GRIN2A: variants seen among roughly 807,000 people sequenced by gnomAD.
GRIN2A encodes the protein glutamate ionotropic receptor NMDA type subunit 2A.
A neutral mutation model predicts 113.4 loss-of-function variants in GRIN2A; 22 were observed. The observed-to-expected ratio is 0.19, with a 90% CI of 0.14 to 0.28. GRIN2A has a LOEUF of 0.28. Ranked by LOEUF, GRIN2A falls within the 10% of genes least tolerant of loss-of-function variation. The pLI is 1.00. For missense variants in GRIN2A, 1,502 were observed against 1,887.0 expected, an observed-to-expected ratio of 0.80 and a Z score of 3.78; for synonymous variants, 827 against 738.4, an observed-to-expected ratio of 1.12 and a Z score of -1.94.
At chr16:9,916,800 A>G (rs1268645215) in intron 3 of GRIN2A, among the ~76,000 whole-genome samples, 3 of 152,306 alleles carry the variant, frequency 2.0e-5, no homozygotes, top group Non-Finnish European at 4.4e-5. Context: ...TACAAGGCAG[A>G]GATGGAGTTG....
intron 2 of GRIN2A, among the ~76,000 whole-genome samples, chr16:10,089,066 C>T (rs981574571): frequency 6.6e-6 from 1 of 152,096 alleles, no homozygotes; most frequent in African/African-American, 2.4e-5. Context: ...ACCCAAGAGG[C>T]CACTGTAGTT....
intron 2 of GRIN2A, among the ~76,000 whole-genome samples, chr16:10,032,718 AC>A (rs2046952017): frequency 1.3e-5 from 2 of 152,104 alleles, no homozygotes; most frequent in Non-Finnish European, 2.9e-5. Flanking sequence ...GCCGGTCTCC[AC>A]TCTGAGCCAT....
At chr16:9,899,590 C>G (rs998777259) in intron 3 of GRIN2A, among the ~76,000 whole-genome samples, 4 of 151,506 alleles carry the variant, frequency 2.6e-5, no homozygotes, top group Admixed American at 6.6e-5. Flanking sequence ...TTTATTCTTT[C>G]AACACAAATT....
At chr16:10,112,890 C>T (rs2142153041) in intron 2 of GRIN2A, 2 of 476,738 alleles carry the variant, frequency 4.2e-6, no homozygotes, top group South Asian at 1.8e-5. Context: ...CTGAGGATAG[C>T]AGTGGAGGAT....
intron 10 of GRIN2A, among the ~76,000 whole-genome samples, chr16:9,799,653 G>A (rs887187124): frequency 6.6e-6 from 1 of 152,132 alleles, no homozygotes; most frequent in Non-Finnish European, 1.5e-5. Context: ...GCCAACCCTT[G>A]TTTTAATCCC....
At chr16:10,066,625 G>C (rs1469726733) in intron 2 of GRIN2A, among the ~76,000 whole-genome samples, 3 of 152,136 alleles carry the variant, frequency 2.0e-5, no homozygotes, top group Non-Finnish European at 4.4e-5. Flanking sequence ...TTTCCACCCA[G>C]GATCTATCAC....
intron 4 of GRIN2A, among the ~76,000 whole-genome samples, chr16:9,863,522 G>A (rs2043108156): frequency 6.6e-6 from 1 of 152,184 alleles, no homozygotes; most frequent in African/African-American, 2.4e-5. Flanking sequence ...TACTTTGCAG[G>A]CTTGATGTTG....
rs117242970 is a variant in GRIN2A, at chr16:10,124,359, C to A, written c.414+55639G>T. Among the ~76,000 whole-genome samples the A allele has an allele frequency of 4.0e-3, 611 of 152,250 alleles. 3 individuals carry two copies. The highest frequency in any genetic ancestry group is 6.0e-3 in the Non-Finnish European group (409 of 68,012). ...AGGGATCATGTATGCAAAGTGCCTG[C>A]CCTGTATGCAGTAGATGCTCAATAA... On this transcript the variant is annotated intron_variant, in intron 2 of 12. Coordinates refer to ENST00000330684, the MANE Select transcript of GRIN2A (RefSeq NM_001134407.3).
intron 2 of GRIN2A, among the ~76,000 whole-genome samples, chr16:10,067,576 G>A (rs1415721575): frequency 6.6e-6 from 1 of 152,164 alleles, no homozygotes; most frequent in African/African-American, 2.4e-5. Context: ...CATGCCCGGA[G>A]GGACACCCAG....
intron 10 of GRIN2A, among the ~76,000 whole-genome samples, chr16:9,815,690 G>T (rs1441653510): frequency 1.3e-5 from 2 of 152,088 alleles, no homozygotes; most frequent in Non-Finnish European, 2.9e-5. Flanking sequence ...AATGCAAATG[G>T]GACTGTGGAA....
At chr16:9,953,256 G>GA (rs2045225896) in intron 2 of GRIN2A, among the ~76,000 whole-genome samples, 2 of 152,196 alleles carry the variant, frequency 1.3e-5, no homozygotes, top group Admixed American at 1.3e-4. Context: ...ATTGGGGAGT[G>GA]AAAGAGGATT....
At chr16:10,032,141 T>C (rs1311140226) in intron 2 of GRIN2A, among the ~76,000 whole-genome samples, 2 of 152,250 alleles carry the variant, frequency 1.3e-5, no homozygotes, top group Admixed American at 1.3e-4. Context: ...CACCTGGTTT[T>C]GGACCCCATT....
In GRIN2A at chr16:9,936,238, A is replaced by G. The variant is rs536752409; in HGVS notation, c.1007+1721T>C. 4.6e-5 allele frequency among the ~76,000 whole-genome samples: 7 copies of G among 152,324 alleles called. No individual in the cohort carries two copies. In the East Asian group the frequency reaches 7.7e-4, roughly 17 times the overall value. The stretch of plus-strand genomic sequence containing the variant: ...GGGCTCACCCCATATTTTCTATTAC[A>G]TTAGAAACTCTGAGATTGAGGCCCA... On this transcript the variant is annotated intron_variant, in intron 3 of 12. Transcript: ENST00000330684.
intron 9 of GRIN2A, among the ~76,000 whole-genome samples, chr16:9,828,805 T>C (rs2042433727): frequency 6.6e-6 from 1 of 152,096 alleles, no homozygotes; most frequent in Non-Finnish European, 1.5e-5. Context: ...ATTAGTGATA[T>C]ATCTGAGTAG....
chr16:9,873,826 A>G (rs1173999339), intron 4 of GRIN2A, among the ~76,000 whole-genome samples: 1 of 152,218 alleles, frequency 6.6e-6, no homozygotes, highest in Non-Finnish European at 1.5e-5. Context: ...TAGTTTCTTC[A>G]AACACACTTT....
chr16:10,072,582 C>T (rs987394453), intron 2 of GRIN2A, among the ~76,000 whole-genome samples: 2 of 152,080 alleles, frequency 1.3e-5, no homozygotes, highest in African/African-American at 4.8e-5. Flanking sequence ...GTTTGAGAAC[C>T]ACTGGACTTA....
At chr16:9,793,079 G>A (rs375914537) in intron 11 of GRIN2A, among the ~76,000 whole-genome samples, 4 of 152,160 alleles carry the variant, frequency 2.6e-5, no homozygotes, top group Non-Finnish European at 5.9e-5. Context: ...AAAGCTGAAT[G>A]AGCTCTGCTG....
intron 2 of GRIN2A, chr16:10,112,376 C>T (rs1453518215): frequency 1.5e-6 from 1 of 678,648 alleles, no homozygotes; most frequent in African/African-American, 1.8e-5. Context: ...TCTGCATCAC[C>T]CAGGAAGTGA....
At chr16:10,158,636 G>A (rs1030420056) in intron 2 of GRIN2A, among the ~76,000 whole-genome samples, 1 of 152,202 alleles carries the variant, frequency 6.6e-6, no homozygotes, top group Admixed American at 6.5e-5. Flanking sequence ...GATGGACCTT[G>A]AAAACATTAT....
Sources: allele counts gnomAD v4.1 joint callset (sites outside exome capture counted in the v4.1 genomes callset), GRCh38; gene constraint gnomAD v4.1.1; transcripts MANE v1.5; gene names NCBI Gene and HGNC (gene_info 2026-07-23, HGNC 2026-07-21).